The following TMTC1 variants were observed in gnomAD, a reference collection of about 807,000 sequenced individuals.
TMTC1 encodes transmembrane O-mannosyltransferase targeting cadherins 1.
Under a neutral mutation model 104.8 loss-of-function variants are expected in TMTC1, and 73 were observed. That is an observed-to-expected ratio of 0.70 (90% CI 0.58 to 0.85). The LOEUF (loss-of-function observed/expected upper bound fraction) is 0.85. Among genes scored for constraint, TMTC1 ranks in the 40% least tolerant of loss-of-function variants. The pLI is 0.00. For synonymous variants in TMTC1, 434 were observed against 428.7 expected (o/e 1.01, Z -0.15); for missense variants, 1,035 against 1,096.1 (o/e 0.94, Z 0.79).
At chr12:29,759,774 A>C (rs540753930) in intron 2 of TMTC1, among the ~76,000 whole-genome samples, 1 of 152,292 alleles carries the variant, frequency 6.6e-6, no homozygotes, top group South Asian at 2.1e-4. Flanking sequence ...AAGTAAGAAA[A>C]TGCTTATAAA....
chr12:29,690,501 A>G (rs1176244929), intron 5 of TMTC1, among the ~76,000 whole-genome samples: 1 of 152,212 alleles, frequency 6.6e-6, no homozygotes, highest in East Asian at 1.9e-4. Context: ...TGGAAATTCC[A>G]AAATAAGAGT....
chr12:29,635,113 G>C (rs1473593580), intron 5 of TMTC1, among the ~76,000 whole-genome samples: 3 of 151,990 alleles, frequency 2.0e-5, no homozygotes, highest in Non-Finnish European at 2.9e-5. Flanking sequence ...TTAACTAAAA[G>C]GTAATATACA....
At chr12:29,731,825 A>G (rs77426589) in intron 5 of TMTC1, among the ~76,000 whole-genome samples, 3,610 of 152,292 alleles carry the variant, frequency 0.024, 64 homozygotes, top group Non-Finnish European at 0.035. Flanking sequence ...TCCAAGCCAG[A>G]ATATGAATTC....
chr12:29,570,831 G>A (rs1313777498), intron 9 of TMTC1, among the ~76,000 whole-genome samples: 3 of 126 alleles, frequency 0.024, no homozygotes, highest in Admixed American at 0.17. Context: ...GTGACAGAGC[G>A]AGAGACTCCG....
intron 2 of TMTC1, among the ~76,000 whole-genome samples, chr12:29,766,021 C>G (rs969817987): frequency 6.6e-6 from 1 of 152,194 alleles, no homozygotes; most frequent in Non-Finnish European, 1.5e-5. Context: ...CCTGTCATTA[C>G]AGTCATTTAC....
At chr12:29,696,971 A>G (rs1941442309) in intron 5 of TMTC1, among the ~76,000 whole-genome samples, 2 of 152,230 alleles carry the variant, frequency 1.3e-5, no homozygotes, top group Admixed American at 1.3e-4. Context: ...AAAGTCTATA[A>G]AAGTATACTT....
rs1048191699 is a variant in TMTC1 at position 29,502,791 on chromosome 12, G to T, written c.*4055C>A. 3 of 152,100 alleles carry T rather than the reference G, an allele frequency of 2.0e-5. No individual in the cohort carries two copies. Among genetic ancestry groups the T allele is most frequent in the African/African-American group, 7.2e-5 (3 of 41,404 alleles). The allele number at this position is 152,100 out of a possible 1,614,324, so 9.4% of individuals were successfully genotyped here. On this transcript the variant is annotated 3_prime_UTR_variant, in exon 18 of 18. Coordinates refer to ENST00000539277, the MANE Select transcript of TMTC1 (RefSeq NM_001193451.2). ...CATTCCAGGTGTCAGCCCTGTAGTGGTTCTCCAGCCTAGCTGCACATAAGA... is the reference window on the plus strand; with the variant it reads ...CATTCCAGGTGTCAGCCCTGTAGTGTTTCTCCAGCCTAGCTGCACATAAGA...
intron 5 of TMTC1, among the ~76,000 whole-genome samples, chr12:29,742,667 A>G (rs1200864773): frequency 1.3e-5 from 2 of 152,236 alleles, no homozygotes; most frequent in Non-Finnish European, 2.9e-5. Context: ...AATTTAAAAA[A>G]GGTCAGCTGT....
At chr12:29,550,248 T>C (rs1393635842) in intron 10 of TMTC1, among the ~76,000 whole-genome samples, 3 of 151,984 alleles carry the variant, frequency 2.0e-5, no homozygotes, top group African/African-American at 7.3e-5. Flanking sequence ...TAAATGTTGG[T>C]AAAAGTGTGA....
chr12:29,667,701 C>A (rs1940337855), intron 5 of TMTC1, among the ~76,000 whole-genome samples: 1 of 152,102 alleles, frequency 6.6e-6, no homozygotes, highest in African/African-American at 2.4e-5. Flanking sequence ...TATTTTTATT[C>A]CCTCTATGAT....
At chr12:29,709,559 T>C (rs1369753343) in intron 5 of TMTC1, among the ~76,000 whole-genome samples, 1 of 151,678 alleles carries the variant, frequency 6.6e-6, no homozygotes, top group Non-Finnish European at 1.5e-5. Flanking sequence ...AGATAAAAAT[T>C]TTGAAAAAAA....
At chr12:29,579,517 T>C (rs1945917681) in intron 8 of TMTC1, among the ~76,000 whole-genome samples, 1 of 152,136 alleles carries the variant, frequency 6.6e-6, no homozygotes, top group African/African-American at 2.4e-5. Context: ...ATCCAGGCCA[T>C]AAATGTTAAT....
At position 29,783,845 on chromosome 12, in the gene TMTC1, G is replaced by A. The variant is rs530280235; in HGVS notation, c.-94C>T. On this transcript the variant is annotated 5_prime_UTR_variant, in exon 1 of 18. Transcript: ENST00000539277. This position sits in a 1 kb window ranked among gnomAD's most constrained non-coding sequence, Gnocchi z 4.7. ...GGCGGCGCGCGGCGTCTGCCCGGAGGGGGGCTCGGGCATGGTGCTGCGGCA... is the reference window on the plus strand; with the variant it reads ...GGCGGCGCGCGGCGTCTGCCCGGAGAGGGGCTCGGGCATGGTGCTGCGGCA... The A allele has an allele frequency of 4.9e-5, 51 of 1,046,436 alleles. No individual in the cohort carries two copies. Among genetic ancestry groups the A allele is most frequent in the South Asian group, 4.6e-4 (10 of 21,888 alleles). 64.8% of individuals were successfully genotyped at this position (1,046,436 alleles called of 1,614,324 possible).
chr12:29,735,351 C>T (rs754146189), intron 5 of TMTC1, among the ~76,000 whole-genome samples: 5 of 152,188 alleles, frequency 3.3e-5, no homozygotes, highest in Non-Finnish European at 7.3e-5. Flanking sequence ...AATTACTTAT[C>T]CTCCCCATGG....
chr12:29,572,288 A>T, intron 8 of TMTC1, 70 bp from the exon 9 acceptor site: 2 of 1,293,658 alleles, frequency 1.5e-6, no homozygotes, highest in South Asian at 2.5e-5. Flanking sequence ...TTTATGTTTT[A>T]CTCAGTTTCA....
chr12:29,516,466 C>T lies in TMTC1; in HGVS notation c.2190G>A (p.Met730Ile), dbSNP rs758345178. The T allele has an allele frequency of 1.2e-6, 2 of 1,613,798 alleles. No individual in the cohort carries two copies. Among genetic ancestry groups the T allele is most frequent in the South Asian group, 2.2e-5 (2 of 91,044 alleles). The change falls in exon 15 of 18, where the codon ATG (methionine) becomes ATA (isoleucine). Residue 730 changes from methionine to isoleucine, a missense_variant. Transcript: ENST00000539277. ...TCTTTTCAGCTTCTTTTGTCTGACC[C>T]ATCACGGCCAAAACCTGAGCCTACA... ...RLALAQVLAV[M>I]GQTKEAEKMT...
In TMTC1 at chr12:29,783,373, C is replaced by T. The variant is rs1185743188; in HGVS notation, c.302+77G>A. The T allele has an allele frequency of 8.1e-7, 1 of 1,235,610 alleles. No homozygotes were observed. The highest frequency in any genetic ancestry group is 2.5e-4 in the Middle Eastern group (1 of 4,028). 76.5% of individuals were successfully genotyped at this position (1,235,610 alleles called of 1,614,324 possible). A position where few individuals can be genotyped will look rare whatever the true frequency, so the allele number is the denominator to read the frequency against. ...AAAATGAAATGCCCCCAAGTCAGTC[C>T]CGCAACTTCTCCCGGTCCGAGGGAC... On this transcript the variant is annotated intron_variant, in intron 1 of 17. Coordinates refer to ENST00000539277, the MANE Select transcript of TMTC1 (RefSeq NM_001193451.2). The surrounding 1 kb of genome is among the most constrained non-coding windows in gnomAD (Gnocchi z 4.7).
chr12:29,517,225 G>C (rs1486193548), intron 14 of TMTC1, among the ~76,000 whole-genome samples: 2 of 152,196 alleles, frequency 1.3e-5, no homozygotes, highest in Admixed American at 1.3e-4. Context: ...ACTTTCATAA[G>C]TTTGAAGTTA....
At chr12:29,625,913 C>T (rs1708054402) in intron 6 of TMTC1, among the ~76,000 whole-genome samples, 1 of 152,174 alleles carries the variant, frequency 6.6e-6, no homozygotes, top group Admixed American at 6.5e-5. Context: ...AGCAGGCACA[C>T]CAATCCATGA....
Sources: gnomAD v4.1 joint callset for allele counts (sites outside exome capture counted in the v4.1 genomes callset) on GRCh38, gnomAD v4.1.1 for gene constraint, Gnocchi (gnomAD v3.1) non-coding constraint, MANE v1.5 for transcripts, NCBI Gene and HGNC (gene_info 2026-07-23, HGNC 2026-07-21) for gene names.